WDR70: variants seen among roughly 807,000 people sequenced by gnomAD.
WDR70 encodes WD repeat domain 70.
Under a neutral mutation model 88.6 loss-of-function variants are expected in WDR70, and 53 were observed. The ratio of observed to expected loss-of-function variants is 0.60; its 90% CI spans 0.48 to 0.75. The LOEUF (loss-of-function observed/expected upper bound fraction) is 0.75. Among genes scored for constraint, WDR70 ranks in the 30% least tolerant of loss-of-function variants. The probability of loss-of-function intolerance (pLI) is 0.00; values close to 1 mark genes in which losing one functional copy is unlikely to be tolerated. For missense variants in WDR70, 610 were observed against 823.2 expected (o/e 0.74, Z 3.17); for synonymous variants, 280 against 270.0 (o/e 1.04, Z -0.36).
chr5:37,502,894 A>G (rs1337991347), intron 8 of WDR70, among the ~76,000 whole-genome samples: 1 of 152,194 alleles, frequency 6.6e-6, no homozygotes, highest in South Asian at 2.1e-4. Context: ...GCACTAATCC[A>G]TGAAGGATTC....
In WDR70 at chr5:37,516,518, A is replaced by G; in HGVS notation, c.845A>G (p.His282Arg). The G allele has an allele frequency of 6.3e-7, 1 of 1,594,060 alleles. No individual in the cohort carries two copies. Among genetic ancestry groups the G allele is most frequent in the Non-Finnish European group, 8.6e-7 (1 of 1,166,658 alleles). Residue 282 changes from histidine to arginine, a missense_variant, in exon 9 of 18, where the codon CAT becomes CGT. His to Arg is a conservative substitution (Grantham distance 29). This residue lies in a region of WDR70 where 83 missense variants were observed against 155.3 expected (regional missense o/e 0.53). Coordinates refer to ENST00000265107, the MANE Select transcript of WDR70 (RefSeq NM_018034.4). ...CCCTTTGTCTTTATTTTTAAGGGTC[A>G]TACAGCAATGCTTCATACTGGCTCA... Reference protein sequence around the residue: ...YIVDMANTKGHTAMLHTGSWH... With the variant: ...YIVDMANTKGRTAMLHTGSWH...
intron 9 of WDR70, among the ~76,000 whole-genome samples, chr5:37,577,132 G>C (rs1016410412): frequency 6.6e-6 from 1 of 152,152 alleles, no homozygotes; most frequent in African/African-American, 2.4e-5. Context: ...CTAGTGAGCA[G>C]GATAGCTCCC....
rs1217035354 is a variant in WDR70 at position 37,605,158 on chromosome 5, T to A, written c.1012T>A (p.Cys338Ser). 6.2e-7 allele frequency: 1 copy of A among 1,613,444 alleles called. No homozygotes were observed. Among genetic ancestry groups the A allele is most frequent in the Non-Finnish European group, 8.5e-7 (1 of 1,179,724 alleles). Residue 338 changes from cysteine to serine, a missense_variant, in exon 10 of 18, where the codon TGC (cysteine) becomes AGC (serine). Physicochemically the swap from Cys to Ser is moderately radical, Grantham distance 112. Transcript: ENST00000265107. The stretch of plus-strand genomic sequence containing the variant: ...AGGCAAAAAAGTCATTCCCACTACG[T>A]GCACATATAGTAGAGATGGAAACCT... ...MQGKKVIPTT[C>S]TYSRDGNLIA...
chr5:37,643,115 T>C (rs1400969378), intron 10 of WDR70, among the ~76,000 whole-genome samples: 2 of 152,144 alleles, frequency 1.3e-5, no homozygotes, highest in African/African-American at 2.4e-5. Flanking sequence ...AGTTTTATAA[T>C]TTGAGATCTT....
intron 8 of WDR70, among the ~76,000 whole-genome samples, chr5:37,504,370 A>G (rs903827699): frequency 2.0e-4 from 30 of 152,038 alleles, no homozygotes; most frequent in African/African-American, 7.2e-4. Context: ...GCTTTATATC[A>G]TTTATTAATG....
intron 10 of WDR70, among the ~76,000 whole-genome samples, chr5:37,647,446 G>A (rs914573578): frequency 6.6e-6 from 1 of 152,064 alleles, no homozygotes; most frequent in Non-Finnish European, 1.5e-5. Flanking sequence ...TTGGTGACTG[G>A]GAATTGAAGA....
At chr5:37,566,828 C>T (rs1420724019) in intron 9 of WDR70, among the ~76,000 whole-genome samples, 2 of 152,068 alleles carry the variant, frequency 1.3e-5, no homozygotes, top group East Asian at 3.9e-4. Context: ...TGCACTTGGA[C>T]CAAAGATTCT....
chr5:37,542,882 A>T (rs1741871005), intron 9 of WDR70, among the ~76,000 whole-genome samples: 1 of 152,176 alleles, frequency 6.6e-6, no homozygotes, highest in Non-Finnish European at 1.5e-5. Context: ...TGCCCTTTGC[A>T]ATGTGACTTT....
chr5:37,730,410 T>C (rs942186100), intron 17 of WDR70, among the ~76,000 whole-genome samples: 2 of 151,406 alleles, frequency 1.3e-5, no homozygotes, highest in Admixed American at 1.3e-4. Flanking sequence ...TGTATATATT[T>C]TGGTGTATAA....
At chr5:37,567,657 C>T (rs1305554684) in intron 9 of WDR70, among the ~76,000 whole-genome samples, 2 of 152,040 alleles carry the variant, frequency 1.3e-5, no homozygotes, top group African/African-American at 4.8e-5. Flanking sequence ...TTACTGCTCC[C>T]AGTTATCATG....
chr5:37,723,877 C>G (rs1747895292), intron 15 of WDR70: 1 of 152,128 alleles, frequency 6.6e-6, no homozygotes. Context: ...TTGTGTTGCC[C>G]AACTGAGTGA....
intron 17 of WDR70, among the ~76,000 whole-genome samples, chr5:37,730,329 A>C (rs946051430): frequency 2.6e-5 from 4 of 152,102 alleles, no homozygotes; most frequent in African/African-American, 9.7e-5. Context: ...TTGAAATTTG[A>C]ATTGATCAGT....
intron 10 of WDR70, among the ~76,000 whole-genome samples, chr5:37,665,922 CCCTT>C (rs1745827577): frequency 6.6e-6 from 1 of 152,234 alleles, no homozygotes; most frequent in African/African-American, 2.4e-5. Flanking sequence ...TCCTCACCCT[CCCTT>C]CCTTACCACC....
At chr5:37,420,867 T>C (rs1749925875) in intron 5 of WDR70, among the ~76,000 whole-genome samples, 1 of 151,996 alleles carries the variant, frequency 6.6e-6, no homozygotes, top group South Asian at 2.1e-4. Context: ...TGAGCCGAGA[T>C]CACGCCACCA....
intron 13 of WDR70, among the ~76,000 whole-genome samples, chr5:37,716,119 T>A (rs1445884451): frequency 6.6e-6 from 1 of 152,184 alleles, no homozygotes; most frequent in Non-Finnish European, 1.5e-5. Context: ...TTGTACTATA[T>A]GACAAAAACC....
At chr5:37,698,961 A>G (rs747875779) in intron 11 of WDR70, among the ~76,000 whole-genome samples, 34 of 152,220 alleles carry the variant, frequency 2.2e-4, no homozygotes, top group Non-Finnish European at 4.4e-4. Flanking sequence ...CTAACCTGCT[A>G]CTTGAGTTCA....
intron 7 of WDR70, among the ~76,000 whole-genome samples, chr5:37,457,844 G>A (rs1738891973): frequency 6.6e-6 from 1 of 152,148 alleles, no homozygotes; most frequent in South Asian, 2.1e-4. Context: ...TTAAAGGGTT[G>A]TGAACTTCCA....
intron 5 of WDR70, among the ~76,000 whole-genome samples, chr5:37,435,737 A>G (rs527891928): frequency 6.6e-6 from 1 of 152,292 alleles, no homozygotes; most frequent in African/African-American, 2.4e-5. Context: ...GGCTGGCCTG[A>G]TGTGATAGCA....
At chr5:37,543,739 T>TA (rs1483166492) in intron 9 of WDR70, among the ~76,000 whole-genome samples, 1 of 152,108 alleles carries the variant, frequency 6.6e-6, no homozygotes, top group Non-Finnish European at 1.5e-5. Flanking sequence ...AAAAGGGTCA[T>TA]AAAGATTATA....
Sources: allele counts gnomAD v4.1 joint callset (sites outside exome capture counted in the v4.1 genomes callset), GRCh38; gene constraint gnomAD v4.1.1; regional missense constraint gnomAD v4.1.1; transcripts MANE v1.5; gene names NCBI Gene and HGNC (gene_info 2026-07-23, HGNC 2026-07-21).